TCTN2: variants seen among roughly 807,000 people sequenced by gnomAD.
TCTN2 encodes tectonic-2.
In TCTN2, 66 loss-of-function variants were observed where a neutral mutation model predicts 83.4. That is an observed-to-expected ratio of 0.79 (90% confidence interval 0.65 to 0.97). The LOEUF is 0.97. TCTN2 is among the 50% of genes least tolerant of loss of function. TCTN2 has a pLI of 0.00. For missense variants in TCTN2, 794 were observed against 858.1 expected, an observed-to-expected ratio of 0.93 and a Z score of 0.93; for synonymous variants, 301 against 326.7, an observed-to-expected ratio of 0.92 and a Z score of 0.85.
intron 5 of TCTN2, among the ~76,000 whole-genome samples, chr12:123,680,367 A>AAT (rs1555291296): frequency 2.0e-5 from 3 of 151,106 alleles, no homozygotes; most frequent in Non-Finnish European, 2.9e-5. Context: ...AAAAAAAAAA[A>AAT]ATCACACAAC....
chr12:123,688,221 T>TC (rs748896043), intron 7 of TCTN2, 44 bp downstream of exon 7: 140 of 1,585,920 alleles, frequency 8.8e-5, no homozygotes, highest in Admixed American at 2.1e-4. Flanking sequence ...CTCTTTTTTT[T>TC]TTTTTTTTTT....
intron 4 of TCTN2, among the ~76,000 whole-genome samples, 196 bp downstream of exon 4, chr12:123,674,006 CCAAAAA>C (rs1002985101): frequency 2.0e-5 from 3 of 152,014 alleles, no homozygotes; most frequent in African/African-American, 7.2e-5. Context: ...TCAAAAAAAA[CCAAAAA>C]CAAAAACAAA....
In TCTN2 at chr12:123,692,657, G is replaced by A. The variant is rs1956057236; in HGVS notation, c.1034-1G>A. ...GAAGTTAATTTATGTTATCTCTTTA[G>A]GCATAGTTACACCAAAAGTGATCTA... On this transcript the variant is annotated splice_acceptor_variant, in intron 8 of 17. Coordinates refer to ENST00000303372, the MANE Select transcript of TCTN2 (RefSeq NM_024809.5). LOFTEE classifies it high-confidence loss of function. The A allele has an allele frequency of 6.2e-7, 1 of 1,611,254 alleles. No individual in the cohort carries two copies. Among genetic ancestry groups the A allele is most frequent in the Non-Finnish European group, 8.5e-7 (1 of 1,177,498 alleles).
rs1483879392 is a variant in TCTN2 at position 123,707,074 on chromosome 12, G to T, written c.1984+1G>T. On this transcript the variant is annotated splice_donor_variant, in intron 17 of 17. Transcript: ENST00000303372. LOFTEE classifies it high-confidence loss of function. ...TATCCATGGACTCAGTATTATCAAG[G>T]TAGGGTGAAACAGATTTCTATGACC... The T allele has an allele frequency of 6.2e-7, 1 of 1,612,572 alleles. No individual in the cohort carries two copies. Among genetic ancestry groups the T allele is most frequent in the South Asian group, 1.1e-5 (1 of 91,022 alleles).
At chr12:123,702,492 G>GC (rs1237116164) in intron 14 of TCTN2, among the ~76,000 whole-genome samples, 2 of 151,940 alleles carry the variant, frequency 1.3e-5, no homozygotes, top group African/African-American at 2.4e-5. Context: ...AGCTTGAGGT[G>GC]CCCCAGACCA....
intron 1 of TCTN2, 53 bp downstream of exon 1, chr12:123,671,375 G>C (rs747033505): frequency 3.1e-6 from 5 of 1,601,394 alleles, no homozygotes; most frequent in Admixed American, 1.7e-5. Context: ...GGGACTGGGC[G>C]TTAAAAGGGC....
intron 17 of TCTN2, 86 bp downstream of exon 17, chr12:123,707,159 A>G (rs1038432688): frequency 2.7e-6 from 3 of 1,105,918 alleles, no homozygotes; most frequent in African/African-American, 1.6e-5. Flanking sequence ...TACAGAAAGC[A>G]TAAAACATAT....
chr12:123,684,046 T>C (rs1012833905), intron 5 of TCTN2, among the ~76,000 whole-genome samples: 6 of 152,222 alleles, frequency 3.9e-5, no homozygotes, highest in Admixed American at 2.0e-4. Context: ...GGACAGTTAA[T>C]GTTTCATTGG....
intron 3 of TCTN2, 141 bp downstream of exon 3, chr12:123,672,273 G>A: frequency 1.2e-6 from 1 of 823,646 alleles, no homozygotes; most frequent in Non-Finnish European, 2.1e-6. Context: ...GGATCTGGTA[G>A]ACACTTATCC....
chr12:123,683,002 T>C (rs1191212945), intron 5 of TCTN2, among the ~76,000 whole-genome samples: 1 of 151,270 alleles, frequency 6.6e-6, no homozygotes, highest in Non-Finnish European at 1.5e-5. Context: ...GGTGGGTGGA[T>C]CACCTGAGGT....
At chr12:123,690,499 C>T (rs761664410) in intron 7 of TCTN2, 34 bp from the exon 8 acceptor site, 3 of 1,613,996 alleles carry the variant, frequency 1.9e-6, no homozygotes, top group East Asian at 4.5e-5. Context: ...AGGAGAGAGG[C>T]CATAAATCTG....
In TCTN2 at chr12:123,686,942, CG is replaced by C. The variant is rs1409735915; in HGVS notation, c.672del (p.Thr225HisfsTer62). 6.2e-6 allele frequency: 10 copies of C among 1,614,072 alleles called. No individual in the cohort carries two copies. Among genetic ancestry groups the C allele is most frequent in the Non-Finnish European group, 8.5e-6 (10 of 1,180,046 alleles). Reference sequence around the variant, plus strand: ...GATCAGCTCTGCTCTGCTGGGACGACGACACGTGGTGTCCCCGATTGGTTTC... The same window carrying C: ...GATCAGCTCTGCTCTGCTGGGACGACACACGTGGTGTCCCCGATTGGTTTC... ...PFDQLCSAGT[T>X]TRGVPDWFPF... On this transcript the variant is annotated frameshift_variant, in exon 6 of 18. Coordinates refer to ENST00000303372, the MANE Select transcript of TCTN2 (RefSeq NM_024809.5). LOFTEE classifies it high-confidence loss of function.
intron 5 of TCTN2, among the ~76,000 whole-genome samples, chr12:123,682,772 G>A (rs890857630): frequency 6.6e-6 from 1 of 152,100 alleles, no homozygotes; most frequent in African/African-American, 2.4e-5. Flanking sequence ...GTGAGCCACT[G>A]TGCCTAGCCA....
At chr12:123,671,418 C>T (rs868669436) in intron 1 of TCTN2, 89 bp from the exon 2 acceptor site, 26 of 1,586,132 alleles carry the variant, frequency 1.6e-5, no homozygotes, top group African/African-American at 1.6e-4. Context: ...CTTCGGGAGT[C>T]GACAACGCCA....
Position 123,697,270 on chromosome 12 carries a change from C to G in TCTN2, c.1505+72C>G. On this transcript the variant is annotated intron_variant, in intron 13 of 17. Transcript: ENST00000303372. ...TAGAATTAATTCACTACATGAATAT[C>G]AAAGACAGCATGAATATGAAAAATT... The G allele has an allele frequency of 2.1e-5, 23 of 1,094,694 alleles. No homozygotes were observed. The South Asian group carries it at 2.7e-4, about 13-fold the overall frequency. The allele number at this position is 1,094,694 out of a possible 1,614,324, so 67.8% of individuals were successfully genotyped here. A position where few individuals can be genotyped will look rare whatever the true frequency, so the allele number is the denominator to read the frequency against.
intron 4 of TCTN2, among the ~76,000 whole-genome samples, chr12:123,674,471 T>G (rs1221344926): frequency 6.6e-6 from 1 of 152,194 alleles, no homozygotes; most frequent in East Asian, 1.9e-4. Flanking sequence ...GGTTTCACCA[T>G]GTTGGCTGGG....
Position 123,697,203 on chromosome 12 carries a change from GTGT to G in TCTN2, c.1505+7_1505+9del. ...TGAAAATTGTACTCAGCTCAGGTGA[GTGT>G]TTCATTGATGAATATATCGGCAATG... On this transcript the variant is annotated splice_donor_region_variant and intron_variant, in intron 13 of 17. Coordinates refer to ENST00000303372, the MANE Select transcript of TCTN2 (RefSeq NM_024809.5). 1 of 1,587,856 alleles carries G rather than the reference GTGT, an allele frequency of 6.3e-7. No homozygotes were observed. Among genetic ancestry groups the G allele is most frequent in the Non-Finnish European group, 8.7e-7 (1 of 1,156,062 alleles).
chr12:123,692,745 C>T lies in TCTN2; in HGVS notation c.1099+22C>T, dbSNP rs372134634. 23 of 1,568,324 alleles carry T rather than the reference C, an allele frequency of 1.5e-5. No homozygotes were observed. In the African/African-American group the frequency reaches 1.8e-4, roughly 12 times the overall value. ...ACAGGTATTTAATGTTACACTTTGA[C>T]GTCATTTCTTCAGAAACAGATATGT... On this transcript the variant is annotated intron_variant, in intron 9 of 17. Transcript: ENST00000303372.
intron 11 of TCTN2, 132 bp from the exon 12 acceptor site, chr12:123,696,283 C>G: frequency 1.3e-6 from 1 of 741,162 alleles, no homozygotes; most frequent in Non-Finnish European, 2.4e-6. Context: ...TGCCATCTTT[C>G]TCTCAAGGGT....
Sources: gnomAD v4.1 joint callset for allele counts (sites outside exome capture counted in the v4.1 genomes callset) on GRCh38, gnomAD v4.1.1 for gene constraint, MANE v1.5 for transcripts, NCBI Gene and HGNC (gene_info 2026-07-23, HGNC 2026-07-21) for gene names.